Variants in AKAP6 observed in about 807,000 individuals in gnomAD.
AKAP6 encodes the protein A-kinase anchoring protein 6, also known as A-kinase anchor protein 6.
A neutral mutation model predicts 188.5 loss-of-function variants in AKAP6; 58 were observed. The observed-to-expected ratio is 0.31, with a 90% CI of 0.25 to 0.38. AKAP6 has a LOEUF of 0.38. Ranked by LOEUF, AKAP6 falls within the 10% of genes least tolerant of loss-of-function variation. The probability of loss-of-function intolerance (pLI) is 1.00; values close to 1 mark genes in which losing one functional copy is unlikely to be tolerated. For missense variants in AKAP6, 2,710 were observed against 2,740.0 expected, an observed-to-expected ratio of 0.99 and a Z score of 0.24; for synonymous variants, 989 against 998.6, an observed-to-expected ratio of 0.99 and a Z score of 0.18.
At chr14:32,800,782 A>G (rs897429045) in intron 12 of AKAP6, among the ~76,000 whole-genome samples, 6 of 152,144 alleles carry the variant, frequency 3.9e-5, no homozygotes, top group Non-Finnish European at 7.4e-5. Flanking sequence ...TGGGAGGCCA[A>G]AGTGTCCAGA....
chr14:32,347,392 A>G (rs1366544225), intron 1 of AKAP6, among the ~76,000 whole-genome samples: 1 of 152,214 alleles, frequency 6.6e-6, no homozygotes, highest in Non-Finnish European at 1.5e-5. Flanking sequence ...CTGAAGTAGG[A>G]GTGAGTCCAT....
chr14:32,617,586 T>G (rs1461710157), intron 7 of AKAP6, among the ~76,000 whole-genome samples: 1 of 152,234 alleles, frequency 6.6e-6, no homozygotes, highest in Non-Finnish European at 1.5e-5. Context: ...AAACAATTTA[T>G]AACACAAATC....
intron 7 of AKAP6, among the ~76,000 whole-genome samples, chr14:32,658,671 G>A (rs1888553459): frequency 6.6e-6 from 1 of 151,078 alleles, no homozygotes; most frequent in Non-Finnish European, 1.5e-5. Context: ...ATCTAGTAGG[G>A]TTTCAATTAA....
intron 8 of AKAP6, among the ~76,000 whole-genome samples, chr14:32,687,406 CT>C (rs1889973319): frequency 1.9e-4 from 7 of 35,980 alleles, no homozygotes; most frequent in African/African-American, 1.1e-3. Flanking sequence ...AACTATCTCT[CT>C]CTCTCTCTCT....
chr14:32,547,963 A>G (rs1398641716), intron 4 of AKAP6, among the ~76,000 whole-genome samples: 1 of 152,124 alleles, frequency 6.6e-6, no homozygotes, highest in African/African-American at 2.4e-5. Flanking sequence ...TTTCCTCAGG[A>G]GGCCATTGGA....
intron 12 of AKAP6, among the ~76,000 whole-genome samples, chr14:32,778,843 AGCTTATAAC>A (rs1414465418): frequency 2.0e-5 from 3 of 151,660 alleles, no homozygotes; most frequent in African/African-American, 4.8e-5. Context: ...CGCCATGCCT[AGCTTATAAC>A]TCTTTAAAAA....
intron 11 of AKAP6, among the ~76,000 whole-genome samples, chr14:32,755,414 T>G (rs1028155503): frequency 6.6e-6 from 1 of 151,974 alleles, no homozygotes; most frequent in African/African-American, 2.4e-5. Context: ...AGATTTTGTT[T>G]AGTTGTTTAA....
chr14:32,396,793 G>A (rs1888893501), intron 1 of AKAP6, among the ~76,000 whole-genome samples: 1 of 152,120 alleles, frequency 6.6e-6, no homozygotes, highest in Non-Finnish European at 1.5e-5. Context: ...AATCAAGCCA[G>A]GGCTGGTAGA....
At chr14:32,517,655 C>A (rs1309231571) in intron 2 of AKAP6, among the ~76,000 whole-genome samples, 5 of 152,200 alleles carry the variant, frequency 3.3e-5, no homozygotes, top group Admixed American at 3.3e-4. Flanking sequence ...GGAGGGGCGT[C>A]CACCATTGCT....
At chr14:32,804,196 G>A (rs1229484865) in intron 12 of AKAP6, among the ~76,000 whole-genome samples, 4 of 152,172 alleles carry the variant, frequency 2.6e-5, no homozygotes, top group East Asian at 1.9e-4. Flanking sequence ...CCTATAGCCT[G>A]TAATATTGCC....
intron 7 of AKAP6, among the ~76,000 whole-genome samples, chr14:32,643,418 C>T (rs976909611): frequency 7.9e-5 from 12 of 152,140 alleles, no homozygotes; most frequent in Middle Eastern, 3.4e-3. Context: ...AGTAATTCTC[C>T]CGCCTCAGCC....
At chr14:32,821,105 A>AT (rs1386968144) in intron 12 of AKAP6, among the ~76,000 whole-genome samples, 3 of 152,226 alleles carry the variant, frequency 2.0e-5, no homozygotes, top group Non-Finnish European at 4.4e-5. Context: ...AAGATTCAAA[A>AT]TGTAGATGAA....
intron 1 of AKAP6, among the ~76,000 whole-genome samples, chr14:32,396,654 C>T (rs569758450): frequency 2.6e-5 from 4 of 151,722 alleles, no homozygotes; most frequent in African/African-American, 9.7e-5. Flanking sequence ...CAGAAGTAAG[C>T]TCTCTCTCTC....
chr14:32,356,746 A>T (rs1887497831), intron 1 of AKAP6, among the ~76,000 whole-genome samples: 1 of 151,810 alleles, frequency 6.6e-6, no homozygotes. Flanking sequence ...ACTTGCTTTA[A>T]CCATTTAAAC....
intron 3 of AKAP6, among the ~76,000 whole-genome samples, chr14:32,541,330 A>AAT (rs10594060): frequency 1.3e-3 from 198 of 148,226 alleles, no homozygotes; most frequent in African/African-American, 4.5e-3. Context: ...ATATTCATCT[A>AAT]ATATATATAT....
intron 5 of AKAP6, among the ~76,000 whole-genome samples, chr14:32,585,300 G>GC (rs1885183737): frequency 6.6e-6 from 1 of 152,154 alleles, no homozygotes; most frequent in African/African-American, 2.4e-5. Flanking sequence ...AGACAGCTGT[G>GC]CAAGATGTAG....
intron 8 of AKAP6, among the ~76,000 whole-genome samples, chr14:32,688,755 A>G (rs971523007): frequency 1.3e-5 from 2 of 152,194 alleles, no homozygotes; most frequent in African/African-American, 2.4e-5. Flanking sequence ...GTCAAAGCAC[A>G]ATTCAGTAAG....
At chr14:32,758,164 T>A (rs1336711038) in intron 11 of AKAP6, among the ~76,000 whole-genome samples, 1 of 152,108 alleles carries the variant, frequency 6.6e-6, no homozygotes, top group Non-Finnish European at 1.5e-5. Flanking sequence ...TGGTAGAATA[T>A]CCTCACCAAT....
intron 1 of AKAP6, among the ~76,000 whole-genome samples, chr14:32,346,105 T>G (rs1416477115): frequency 6.6e-6 from 1 of 152,068 alleles, no homozygotes; most frequent in African/African-American, 2.4e-5. Context: ...GAGTCCCCCA[T>G]CATGAAGACC....
Sources: gnomAD v4.1 joint callset for allele counts (sites outside exome capture counted in the v4.1 genomes callset) on GRCh38, gnomAD v4.1.1 for gene constraint, MANE v1.5 for transcripts, NCBI Gene and HGNC (gene_info 2026-07-23, HGNC 2026-07-21) for gene names.